Variants in CCDC122 observed in about 807,000 individuals in gnomAD.
CCDC122 encodes the protein coiled-coil domain-containing protein 122.
CCDC122 carries 38 observed loss-of-function variants against 37.0 expected under a neutral mutation model. That is an observed-to-expected ratio of 1.03 (90% CI 0.79 to 1.35). The LOEUF (loss-of-function observed/expected upper bound fraction) is 1.35. Ranked by LOEUF, CCDC122 falls within the 40% of genes most tolerant of loss-of-function variation. CCDC122 has a pLI of 0.00. For missense variants in CCDC122, 305 were observed against 310.0 expected (o/e 0.98, Z 0.12); for synonymous variants, 83 against 95.6 (o/e 0.87, Z 0.77).
Position 43,859,670 on chromosome 13 carries a change from A to C in CCDC122, c.555+2T>G. 6.7e-7 allele frequency: 1 copy of C among 1,492,196 alleles called. No individual in the cohort carries two copies. Among genetic ancestry groups the C allele is most frequent in the Non-Finnish European group, 8.9e-7 (1 of 1,124,550 alleles). The allele number at this position is 1,492,196 out of a possible 1,614,324, so 92.4% of individuals were successfully genotyped here. A position where few individuals can be genotyped will look rare whatever the true frequency, so the allele number is the denominator to read the frequency against. On this transcript the variant is annotated splice_donor_variant, in intron 5 of 6. Coordinates refer to ENST00000444614, the MANE Select transcript of CCDC122 (RefSeq NM_144974.5). LOFTEE classifies it high-confidence loss of function. The stretch of plus-strand genomic sequence containing the variant: ...ATAGTTTTACTAAGTAATTTTGCAC[A>C]CCTGTACTTGTGTTATTCGGTTCCC...
chr13:43,848,535 T>C (rs952445455), intron 6 of CCDC122, among the ~76,000 whole-genome samples: 2 of 152,158 alleles, frequency 1.3e-5, no homozygotes, highest in Admixed American at 1.3e-4. Flanking sequence ...CAATGACTCA[T>C]AGCTTATCTT....
chr13:43,831,881 C>G (rs978139465), downstream of CCDC122, among the ~76,000 whole-genome samples: 1 of 152,006 alleles, frequency 6.6e-6, no homozygotes, highest in African/African-American at 2.4e-5. Context: ...AAATCATATG[C>G]TATTTTTATT....
Position 43,859,883 on chromosome 13 carries a change from T to G in CCDC122, c.344A>C (p.Gln115Pro), listed in dbSNP as rs923240220. Residue 115 changes from glutamine (Q) to proline (P), a missense_variant, in exon 5 of 7, where the codon CAA becomes CCA. Gln to Pro is a moderately conservative substitution (Grantham distance 76). Coordinates refer to ENST00000444614, the MANE Select transcript of CCDC122 (RefSeq NM_144974.5). ...VKLKFDIETA[Q>P]EDFEEHMIKY... Reference sequence around the variant, plus strand: ...TATCATGTGTTCCTCAAAATCTTCTTGGGCTGTTTCTATGTCAAATTTAAG... The same window carrying G: ...TATCATGTGTTCCTCAAAATCTTCTGGGGCTGTTTCTATGTCAAATTTAAG... The G allele has an allele frequency of 6.2e-7, 1 of 1,606,770 alleles. No homozygotes were observed. The highest frequency in any genetic ancestry group is 8.5e-7 in the Non-Finnish European group (1 of 1,177,392).
intron 2 of CCDC122, among the ~76,000 whole-genome samples, chr13:43,870,258 G>A (rs372011196): frequency 1.3e-5 from 2 of 151,844 alleles, no homozygotes; most frequent in African/African-American, 2.4e-5. Context: ...CTTTCCTGTC[G>A]CTTCATGTCA....
At chr13:43,820,924 T>C (rs1292568237), downstream of CCDC122, among the ~76,000 whole-genome samples, 1 of 152,212 alleles carries the variant, frequency 6.6e-6, no homozygotes, top group Non-Finnish European at 1.5e-5. Flanking sequence ...ACACATGCTA[T>C]TGAGAATATT....
chr13:43,868,716 T>C lies in CCDC122; in HGVS notation c.134A>G (p.Lys45Arg), dbSNP rs745839539. 11 of 1,556,282 alleles carry C rather than the reference T, an allele frequency of 7.1e-6. No homozygotes were observed. In the East Asian group the frequency reaches 2.6e-4, roughly 36 times the overall value. ...TACCTTCAAATTGAACAGAACCTTT[T>C]TGTTTTTTTCTATCTCTGATGCTTG... is the stretch of plus-strand genomic sequence containing the variant. ...QSQASEIEKN[K>R]KVLFNLKNEL... Residue 45 changes from lysine to arginine, a missense_variant, in exon 4 of 7, where the codon AAA (lysine) becomes AGA (arginine). Physicochemically the swap from Lys to Arg is conservative, Grantham distance 26 (BLOSUM62 2). Coordinates refer to ENST00000444614, the MANE Select transcript of CCDC122 (RefSeq NM_144974.5).
chr13:43,841,516 G>A (rs558913306), intron 6 of CCDC122, among the ~76,000 whole-genome samples: 5 of 152,134 alleles, frequency 3.3e-5, no homozygotes, highest in South Asian at 4.2e-4. Flanking sequence ...ATCTTTTCAC[G>A]TGTTTATTGG....
intron 6 of CCDC122, among the ~76,000 whole-genome samples, chr13:43,857,689 G>T (rs900032110): frequency 2.6e-5 from 4 of 151,954 alleles, no homozygotes; most frequent in Non-Finnish European, 5.9e-5. Context: ...GATCACCTGA[G>T]GTCAGGAGTT....
At chr13:43,879,561 C>G (rs1481519234) in intron 1 of CCDC122, 70 bp downstream of exon 1, 1 of 152,272 alleles carries the variant, frequency 6.6e-6, no homozygotes, top group Admixed American at 6.5e-5. Context: ...TTGGCTCATC[C>G]CGGGATTCCC....
chr13:43,866,145 C>A (rs1954269768), intron 4 of CCDC122, among the ~76,000 whole-genome samples: 1 of 152,180 alleles, frequency 6.6e-6, no homozygotes, highest in Non-Finnish European at 1.5e-5. Flanking sequence ...TCATGCTACT[C>A]AGAATGACTT....
intron 6 of CCDC122, among the ~76,000 whole-genome samples, chr13:43,851,591 ACT>A (rs1459944930): frequency 6.6e-6 from 1 of 152,034 alleles, no homozygotes; most frequent in East Asian, 1.9e-4. Flanking sequence ...ACTCATGAGC[ACT>A]CTGCCACAGC....
chr13:43,841,122 T>C (rs1953335973), intron 6 of CCDC122, among the ~76,000 whole-genome samples: 2 of 152,256 alleles, frequency 1.3e-5, no homozygotes, highest in Admixed American at 1.3e-4. Flanking sequence ...TATTTTTCCA[T>C]TCTCCTTTCT....
chr13:43,872,605 G>T (rs1318301763), intron 2 of CCDC122, among the ~76,000 whole-genome samples: 2 of 152,130 alleles, frequency 1.3e-5, no homozygotes, highest in African/African-American at 4.8e-5. Flanking sequence ...CCATCTACCA[G>T]ATTTTGTACC....
At chr13:43,867,240 A>C (rs1954302573) in intron 4 of CCDC122, among the ~76,000 whole-genome samples, 2 of 152,110 alleles carry the variant, frequency 1.3e-5, no homozygotes, top group African/African-American at 4.8e-5. Flanking sequence ...TCAACTTTAG[A>C]ATAAAGTTGA....
downstream of CCDC122, among the ~76,000 whole-genome samples, chr13:43,819,854 A>G (rs1952981713): frequency 6.6e-6 from 1 of 152,112 alleles, no homozygotes; most frequent in Non-Finnish European, 1.5e-5. Context: ...TGATTTCTAA[A>G]AATATAAAAA....
chr13:43,860,527 T>C (rs9533659), intron 4 of CCDC122, among the ~76,000 whole-genome samples: 20,072 of 152,160 alleles, frequency 0.13, 1,653 homozygotes, highest in African/African-American at 0.23. Flanking sequence ...AACTACACTT[T>C]CTCCATTTGT....
chr13:43,820,961 CA>C (rs1283871492), downstream of CCDC122, among the ~76,000 whole-genome samples: 1 of 152,168 alleles, frequency 6.6e-6, no homozygotes, highest in African/African-American at 2.4e-5. Flanking sequence ...CTATTTAGAA[CA>C]ATGTTTGATA....
downstream of CCDC122, among the ~76,000 whole-genome samples, chr13:43,819,464 T>C (rs1303574491): frequency 1.3e-5 from 2 of 152,130 alleles, no homozygotes; most frequent in Non-Finnish European, 2.9e-5. Flanking sequence ...AGTTGAATAA[T>C]CCATGGACAT....
chr13:43,867,950 C>G (rs1417080128), intron 4 of CCDC122, among the ~76,000 whole-genome samples: 1 of 152,052 alleles, frequency 6.6e-6, no homozygotes, highest in Admixed American at 6.6e-5. Context: ...ACCATGTCCA[C>G]CTGGTCCCCA....
Sources: allele counts gnomAD v4.1 joint callset (sites outside exome capture counted in the v4.1 genomes callset), GRCh38; gene constraint gnomAD v4.1.1; transcripts MANE v1.5; gene names NCBI Gene and HGNC (gene_info 2026-07-23, HGNC 2026-07-21).